The following SP110 variants were observed in gnomAD, a reference collection of about 807,000 sequenced individuals.
SP110 encodes the protein SP110 nuclear body protein.
A neutral mutation model predicts 92.7 loss-of-function variants in SP110; 62 were observed. That is an observed-to-expected ratio of 0.67 (90% CI 0.55 to 0.83). The LOEUF (loss-of-function observed/expected upper bound fraction) is 0.83. Ranked by LOEUF, SP110 falls within the 40% of genes least tolerant of loss-of-function variation. SP110 has a pLI of 0.00. For missense variants in SP110, 793 were observed against 863.9 expected (o/e 0.92, Z 1.03); for synonymous variants, 273 against 305.3 (o/e 0.89, Z 1.10).
At chr2:230,173,214 C>T (rs563456397) in intron 14 of SP110, 24 of 452,920 alleles carry the variant, frequency 5.3e-5, no homozygotes, top group South Asian at 3.8e-4. Context: ...GGTTCTGCTG[C>T]GTTTTGAGCT....
intron 9 of SP110, 22 bp from the exon 10 acceptor site, chr2:230,200,987 T>A: frequency 6.4e-7 from 1 of 1,571,726 alleles, no homozygotes; most frequent in Non-Finnish European, 8.8e-7. Flanking sequence ...AAGATCTTAG[T>A]AAATGCCCCT....
chr2:230,185,878 T>A (rs531164016), intron 11 of SP110, 116 bp downstream of exon 11: 69 of 916,994 alleles, frequency 7.5e-5, no homozygotes, highest in Non-Finnish European at 1.1e-4. Flanking sequence ...GTCCCTCTTT[T>A]CTGTACGTCT....
rs142081394 is a variant in SP110 at position 230,165,366 on chromosome 2, G to A, written c.*3758C>T. On this transcript the variant is annotated 3_prime_UTR_variant, in exon 19 of 19. Coordinates refer to ENST00000258381, the MANE Select transcript of SP110 (RefSeq NM_080424.4). ...AGCAAAAAGGAAGTATGGAGAAGTCGTGTCAAGAAAAGACCAGCAGGGAAT... is the reference window on the plus strand; with the variant it reads ...AGCAAAAAGGAAGTATGGAGAAGTCATGTCAAGAAAAGACCAGCAGGGAAT... 1.2e-3 allele frequency among the ~76,000 whole-genome samples: 183 copies of A among 152,336 alleles called. No homozygotes were observed. Among genetic ancestry groups the A allele is most frequent in the Admixed American group, 2.0e-3 (30 of 15,306 alleles).
chr2:230,177,651 C>T lies in SP110; in HGVS notation c.1477G>A (p.Asp493Asn). The change falls in exon 14 of 19, where the codon GAT (aspartate) becomes AAT (asparagine). Residue 493 changes from aspartate (D) to asparagine (N), a missense_variant. By Grantham distance (23) the Asp-to-Asn change is conservative (BLOSUM62 1). Coordinates refer to ENST00000258381, the MANE Select transcript of SP110 (RefSeq NM_080424.4). ...TCATTTGGTGTTAACCAAGTTCCAT[C>T]CTCATTCCGAATGCACTTCACTGAG... ...GSSVKCIRNE[D>N]GTWLTPNEFE... The T allele has an allele frequency of 6.2e-7, 1 of 1,614,168 alleles. No individual in the cohort carries two copies. Among genetic ancestry groups the T allele is most frequent in the Non-Finnish European group, 8.5e-7 (1 of 1,180,008 alleles).
chr2:230,202,347 G>T (rs1003950599), intron 9 of SP110, among the ~76,000 whole-genome samples: 7 of 152,164 alleles, frequency 4.6e-5, no homozygotes, highest in African/African-American at 1.7e-4. Flanking sequence ...AAATTTGAGA[G>T]CTGCTGCCCC....
upstream of SP110, among the ~76,000 whole-genome samples, chr2:230,221,007 G>A (rs2045768562): frequency 6.6e-6 from 1 of 151,714 alleles, no homozygotes; most frequent in Admixed American, 6.6e-5. Context: ...TTTGGGCCAG[G>A]CTCGGTGGCT....
intron 12 of SP110, among the ~76,000 whole-genome samples, chr2:230,179,413 C>T (rs1024991777): frequency 2.1e-5 from 3 of 143,916 alleles, no homozygotes; most frequent in Admixed American, 7.3e-5. Context: ...CCAGCTCCAC[C>T]ATTTGTCTCT....
chr2:230,180,185 T>C (rs1263038907), intron 12 of SP110, among the ~76,000 whole-genome samples: 3 of 151,934 alleles, frequency 2.0e-5, no homozygotes, highest in Non-Finnish European at 4.4e-5. Context: ...AGCAAGCAAT[T>C]AGAGAACAGA....
At chr2:230,188,747 T>C (rs2042473926) in intron 10 of SP110, among the ~76,000 whole-genome samples, 2 of 152,178 alleles carry the variant, frequency 1.3e-5, no homozygotes, top group Admixed American at 1.3e-4. Flanking sequence ...AAATGATCTA[T>C]GGTTTTTAAT....
chr2:230,198,868 T>A (rs1421896312), intron 10 of SP110, among the ~76,000 whole-genome samples: 1 of 152,090 alleles, frequency 6.6e-6, no homozygotes, highest in Non-Finnish European at 1.5e-5. Flanking sequence ...AATAGCAAAT[T>A]ATTAATGATA....
chr2:230,212,095 G>A (rs1274609860), intron 5 of SP110, among the ~76,000 whole-genome samples: 3 of 152,202 alleles, frequency 2.0e-5, no homozygotes, highest in Non-Finnish European at 4.4e-5. Flanking sequence ...CCATAATCAG[G>A]TGGGGGTGAG....
chr2:230,166,419 A>C lies in SP110; in HGVS notation c.*2705T>G, dbSNP rs143623620. Among the ~76,000 whole-genome samples, 2 of 152,366 alleles carry C rather than the reference A, an allele frequency of 1.3e-5. No individual in the cohort carries two copies. The highest frequency in any genetic ancestry group is 4.8e-5 in the African/African-American group (2 of 41,592). ...AATATATTAAAAGGTAGAAAATTTT[A>C]CAAGTTATTTTACCGAGGTAGGATA... On this transcript the variant is annotated 3_prime_UTR_variant, in exon 19 of 19. Transcript: ENST00000258381.
At chr2:230,214,089 G>A (rs902632581) in intron 3 of SP110, 5 of 152,230 alleles carry the variant, frequency 3.3e-5, no homozygotes, top group Admixed American at 2.6e-4. Context: ...GTGAACATGT[G>A]ATTTGGCCAC....
rs201350600 is a variant in SP110, at chr2:230,200,905, G to A, written c.1109C>T (p.Thr370Ile). Residue 370 changes from threonine (T) to isoleucine (I), a missense_variant, in exon 10 of 19, where the codon ACA becomes ATA. Physicochemically the swap from Thr to Ile is moderately conservative, Grantham distance 89. Transcript: ENST00000258381. ...TTTACCTTGTGTGACCCTTCGTGGT[G>A]TACTAGGCGTCTTCTGGGACCTCTT... Reference protein sequence around the residue: ...EGKRSQKTPSTPRRVTQGAAS... With the variant: ...EGKRSQKTPSIPRRVTQGAAS... 2.7e-5 allele frequency: 43 copies of A among 1,613,322 alleles called. No homozygotes were observed. Among genetic ancestry groups the A allele is most frequent in the Non-Finnish European group, 3.6e-5 (42 of 1,179,410 alleles).
rs1212937888 is a variant in SP110 at position 230,169,041 on chromosome 2, A to G, written c.*83T>C. 1 of 907,414 alleles carries G rather than the reference A, an allele frequency of 1.1e-6. No individual in the cohort carries two copies. The highest frequency in any genetic ancestry group is 1.9e-6 in the Non-Finnish European group (1 of 539,098). 56.2% of individuals were successfully genotyped at this position (907,414 alleles called of 1,614,324 possible). Reference sequence around the variant, plus strand: ...CTGAGGGCAGCCAATTACATCCCAGACTCACTGGCAATCAACAGTCCAAGC... The same window carrying G: ...CTGAGGGCAGCCAATTACATCCCAGGCTCACTGGCAATCAACAGTCCAAGC... On this transcript the variant is annotated 3_prime_UTR_variant, in exon 19 of 19. Transcript: ENST00000258381.
intron 12 of SP110, among the ~76,000 whole-genome samples, chr2:230,179,893 C>T (rs1374040736): frequency 6.6e-6 from 1 of 152,028 alleles, no homozygotes; most frequent in Non-Finnish European, 1.5e-5. Flanking sequence ...TGGAGGCAGG[C>T]CATCAAGTGA....
At position 230,211,416 on chromosome 2, in the gene SP110, C is replaced by T. The variant is rs2044467593; in HGVS notation, c.751+54G>A. 3 of 1,143,780 alleles carry T rather than the reference C, an allele frequency of 2.6e-6. No individual in the cohort carries two copies. Among genetic ancestry groups the T allele is most frequent in the Non-Finnish European group, 4.0e-6 (3 of 750,714 alleles). 70.9% of individuals were successfully genotyped at this position (1,143,780 alleles called of 1,614,324 possible). On this transcript the variant is annotated intron_variant, in intron 6 of 18. Transcript: ENST00000258381. The surrounding 1 kb of genome is among the most constrained non-coding windows in gnomAD (Gnocchi z 4.2). ...CTAGAAGATCCGAATGGCTTTTCCT[C>T]TTAGTAAACACAGAAACAAAGGCAA...
chr2:230,212,746 G>A lies in SP110; in HGVS notation c.583+15C>T, dbSNP rs1297189749. 5 of 1,613,806 alleles carry A rather than the reference G, an allele frequency of 3.1e-6. No individual in the cohort carries two copies. Among genetic ancestry groups the A allele is most frequent in the Non-Finnish European group, 4.2e-6 (5 of 1,179,974 alleles). On this transcript the variant is annotated intron_variant, in intron 4 of 18. Transcript: ENST00000258381. ...GCTGAGGATATACAGGTGTTGGATG[G>A]GATCTGTTTCTCACCTGAAGTGCTT...
upstream of SP110, chr2:230,221,581 G>T: frequency 2.0e-6 from 2 of 980,626 alleles, no homozygotes; most frequent in Non-Finnish European, 3.1e-6. Context: ...AAAATTCAAT[G>T]CTAACAGCTG....
Sources: allele counts gnomAD v4.1 joint callset (sites outside exome capture counted in the v4.1 genomes callset), GRCh38; gene constraint gnomAD v4.1.1; non-coding constraint Gnocchi (gnomAD v3.1); transcripts MANE v1.5; gene names NCBI Gene and HGNC (gene_info 2026-07-23, HGNC 2026-07-21).